CSTPP1: variants seen among roughly 807,000 people sequenced by gnomAD.
CSTPP1 encodes the protein centriolar satellite-associated tubulin polyglutamylase complex regulator 1.
At chr11:47,121,058 A>G in the CSTPP1 span, among the ~76,000 whole-genome samples, 1 of 152,222 alleles carries the variant, frequency 6.6e-6, no homozygotes, top group Non-Finnish European at 1.5e-5. Flanking sequence ...TCCTCTAGGC[A>G]TCTAAGCATC....
At chr11:47,045,918 CT>C in the CSTPP1 span, among the ~76,000 whole-genome samples, 1 of 152,060 alleles carries the variant, frequency 6.6e-6, no homozygotes, top group African/African-American at 2.4e-5. Context: ...TCCCGAGTAG[CT>C]GGGATTACAG....
At chr11:47,134,215 G>A in the CSTPP1 span, among the ~76,000 whole-genome samples, 1 of 151,538 alleles carries the variant, frequency 6.6e-6, no homozygotes, top group African/African-American at 2.4e-5. Context: ...TTTTTTGAGG[G>A]GGGAAGGAGT....
At chr11:46,945,990 G>A in the CSTPP1 span, among the ~76,000 whole-genome samples, 61 of 152,194 alleles carry the variant, frequency 4.0e-4, no homozygotes, top group Admixed American at 6.5e-4. Context: ...CCTTTTGGGA[G>A]TTGTTCCTGG....
the CSTPP1 span, among the ~76,000 whole-genome samples, chr11:47,135,777 T>C: frequency 6.6e-6 from 1 of 152,236 alleles, no homozygotes; most frequent in African/African-American, 2.4e-5. Context: ...GAGCAGGATG[T>C]ATTCTGTTTT....
the CSTPP1 span, among the ~76,000 whole-genome samples, chr11:47,060,259 T>TTTTC: frequency 4.2e-4 from 6 of 14,348 alleles, no homozygotes; most frequent in African/African-American, 8.3e-4. Flanking sequence ...TTTTCTTTTC[T>TTTTC]TTTTTTTTTT....
the CSTPP1 span, chr11:47,041,127 G>A: frequency 5.1e-6 from 1 of 194,820 alleles, no homozygotes; most frequent in Non-Finnish European, 1.1e-5. Context: ...GTTTCACAGT[G>A]CAAAAGTCTT....
chr11:47,148,985 T>A, the CSTPP1 span, among the ~76,000 whole-genome samples: 1 of 152,160 alleles, frequency 6.6e-6, no homozygotes, highest in Non-Finnish European at 1.5e-5. Flanking sequence ...GTCAGTAGGT[T>A]CAGGCTGGAA....
chr11:46,994,845 G>A, the CSTPP1 span, among the ~76,000 whole-genome samples: 2 of 152,194 alleles, frequency 1.3e-5, no homozygotes, highest in African/African-American at 4.8e-5. Context: ...AGTTTCAGAA[G>A]GAATAGTACC....
the CSTPP1 span, among the ~76,000 whole-genome samples, chr11:46,965,269 G>A: frequency 1.4e-5 from 2 of 139,096 alleles, no homozygotes; most frequent in Non-Finnish European, 3.0e-5. Context: ...TCTGTCGCTC[G>A]GGCTGGAATG....
chr11:47,158,045 G>A, the CSTPP1 span: 20 of 840,780 alleles, frequency 2.4e-5, no homozygotes, highest in Admixed American at 4.3e-5. Flanking sequence ...GACTTCCCAG[G>A]GCCGGACTCA....
At chr11:47,034,504 CTTTT>C in the CSTPP1 span, among the ~76,000 whole-genome samples, 4 of 144,310 alleles carry the variant, frequency 2.8e-5, no homozygotes, top group Non-Finnish European at 3.0e-5. Flanking sequence ...TTAAAAGCTT[CTTTT>C]TTTTTTTTTT....
At chr11:47,161,360 G>A in the CSTPP1 span, 2 of 1,587,266 alleles carry the variant, frequency 1.3e-6, no homozygotes, top group African/African-American at 1.4e-5. Context: ...GTCCTTTGGG[G>A]GCTGCAGCCC....
the CSTPP1 span, among the ~76,000 whole-genome samples, chr11:47,086,925 CAGTATAGCTATATTT>C: frequency 7.9e-5 from 12 of 152,192 alleles, no homozygotes; most frequent in South Asian, 2.1e-4. Flanking sequence ...GAAATCTGTA[CAGTATAGCTATATTT>C]AGTATAGCTA....
the CSTPP1 span, among the ~76,000 whole-genome samples, chr11:46,940,089 T>C: frequency 6.6e-6 from 1 of 152,138 alleles, no homozygotes; most frequent in Non-Finnish European, 1.5e-5. Flanking sequence ...CCAGGCTGCT[T>C]TTGAACTTCC....
At chr11:46,987,188 C>G in the CSTPP1 span, 2 of 1,608,692 alleles carry the variant, frequency 1.2e-6, no homozygotes, top group East Asian at 2.2e-5. Context: ...TTCTCTTTCT[C>G]TCTTGCTATT....
At chr11:46,952,516 A>G in the CSTPP1 span, among the ~76,000 whole-genome samples, 1 of 152,128 alleles carries the variant, frequency 6.6e-6, no homozygotes, top group Non-Finnish European at 1.5e-5. Context: ...GGAGACATCT[A>G]CCCTACTCAA....
chr11:46,954,497 C>T, the CSTPP1 span, among the ~76,000 whole-genome samples: 2,318 of 151,670 alleles, frequency 0.015, 61 homozygotes, highest in African/African-American at 0.053. Context: ...GGCAGTGAGC[C>T]GAGATCGTAC....
At chr11:47,104,559 G>A in the CSTPP1 span, among the ~76,000 whole-genome samples, 1 of 152,250 alleles carries the variant, frequency 6.6e-6, no homozygotes, top group Non-Finnish European at 1.5e-5. Context: ...TTGCCAAGGA[G>A]ATGCTGGCAG....
the CSTPP1 span, among the ~76,000 whole-genome samples, chr11:47,076,577 A>G: frequency 2.6e-5 from 4 of 152,182 alleles, no homozygotes; most frequent in Non-Finnish European, 5.9e-5. Flanking sequence ...ATGGTGGCTC[A>G]CACCTATAAT....
Sources: allele counts gnomAD v4.1 joint callset (sites outside exome capture counted in the v4.1 genomes callset), GRCh38; gene constraint gnomAD v4.1.1; transcripts MANE v1.5; gene names NCBI Gene and HGNC (gene_info 2026-07-23, HGNC 2026-07-21).